The following NPFFR1 variants were observed in gnomAD, a reference collection of about 807,000 sequenced individuals.
The protein encoded by NPFFR1 is G-protein coupled receptor 147.
Under a neutral mutation model 12.7 loss-of-function variants are expected in NPFFR1, and 17 were observed. The ratio of observed to expected loss-of-function variants is 1.34; its 90% CI spans 0.92 to 2.01. NPFFR1 has a LOEUF of 2.01. Among genes scored for constraint, NPFFR1 ranks in the 30% most tolerant of loss-of-function variants. The pLI is 0.00. For missense variants in NPFFR1, 604 were observed against 606.5 expected (o/e 1.00, Z 0.04); for synonymous variants, 296 against 264.5 (o/e 1.12, Z -1.16).
At chr10:70,269,079 A>G (rs901109523) in intron 1 of NPFFR1, among the ~76,000 whole-genome samples, 21 of 151,880 alleles carry the variant, frequency 1.4e-4, no homozygotes, top group African/African-American at 4.8e-4. Flanking sequence ...TGCAGGCTGG[A>G]TTTTTCTGAT....
At chr10:70,258,699 T>C (rs1467457264) in intron 3 of NPFFR1, among the ~76,000 whole-genome samples, 1 of 152,184 alleles carries the variant, frequency 6.6e-6, no homozygotes, top group African/African-American at 2.4e-5. Flanking sequence ...TGTCATCTAC[T>C]GATGCCAGAA....
At chr10:70,268,496 G>T (rs985311442) in intron 1 of NPFFR1, among the ~76,000 whole-genome samples, 17 of 152,124 alleles carry the variant, frequency 1.1e-4, no homozygotes, top group Non-Finnish European at 2.4e-4. Context: ...CTGTGGCTTG[G>T]CAATCTGAGT....
intron 1 of NPFFR1, among the ~76,000 whole-genome samples, chr10:70,275,190 C>T (rs972010228): frequency 6.6e-6 from 1 of 152,246 alleles, no homozygotes; most frequent in African/African-American, 2.4e-5. Context: ...CTTTATACTT[C>T]TCTTCTACTC....
chr10:70,270,185 AT>A (rs1840732325), intron 1 of NPFFR1, among the ~76,000 whole-genome samples: 1 of 152,218 alleles, frequency 6.6e-6, no homozygotes, highest in East Asian at 1.9e-4. Context: ...ACAGCTAATA[AT>A]TATGGAATAA....
chr10:70,270,031 C>A (rs571335461), intron 1 of NPFFR1, among the ~76,000 whole-genome samples: 1 of 152,330 alleles, frequency 6.6e-6, no homozygotes, highest in African/African-American at 2.4e-5. Flanking sequence ...GTTCATCAAT[C>A]TGTCAATAGT....
In NPFFR1 at chr10:70,249,838, A is replaced by T. The variant is rs1840492078; in HGVS notation, c.*5119T>A. ...GATACTTTACAATAAAAGATATAAG[A>T]ATGCAGTAAGCACACAAAAAGATGC... is the stretch of plus-strand genomic sequence containing the variant. On this transcript the variant is annotated 3_prime_UTR_variant, in exon 4 of 4. Transcript: ENST00000277942. The T allele has an allele frequency of 6.6e-6, 1 of 152,042 alleles. No individual in the cohort carries two copies. 9.4% of individuals were successfully genotyped at this position (152,042 alleles called of 1,614,324 possible).
chr10:70,256,422 A>G (rs1271456447), intron 3 of NPFFR1, among the ~76,000 whole-genome samples: 2 of 152,218 alleles, frequency 1.3e-5, no homozygotes, highest in Non-Finnish European at 2.9e-5. Flanking sequence ...GCTGGCAGCT[A>G]GCAGAGCGAT....
In NPFFR1 at chr10:70,255,642, CAGG is replaced by C. The variant is rs1216422789; in HGVS notation, c.605_607del (p.Ser202del). 6.9e-6 allele frequency: 11 copies of C among 1,589,880 alleles called. No homozygotes were observed. Among genetic ancestry groups the C allele is most frequent in the African/African-American group, 2.7e-5 (2 of 74,488 alleles). On this transcript the variant is annotated inframe_deletion, in exon 4 of 4. Transcript: ENST00000277942. The surrounding 1 kb of genome is among the most constrained non-coding windows in gnomAD (Gnocchi z 4.2). ...GCCCTTCTCGGGCCAGGCCTCCCAG[CAGG>C]AGTAGAGCGGGTAGGAGCGGTTGCG...
chr10:70,266,942 C>G (rs904394551), intron 1 of NPFFR1, among the ~76,000 whole-genome samples: 3 of 152,210 alleles, frequency 2.0e-5, no homozygotes, highest in African/African-American at 7.2e-5. Flanking sequence ...TACAGTAACA[C>G]TCTTCCCTCT....
intron 1 of NPFFR1, among the ~76,000 whole-genome samples, chr10:70,272,244 G>GAAAGAAAGAAAGAAAAGAAAGA (rs60571634): frequency 1.6e-5 from 1 of 64,406 alleles, no homozygotes; most frequent in African/African-American, 6.6e-5. Context: ...AAGAAAGAAA[G>GAAAGAAAGAAAGAAAAGAAAGA]AAGAAAGAAG....
chr10:70,282,240 C>T (rs1840871594), intron 1 of NPFFR1, among the ~76,000 whole-genome samples: 1 of 152,104 alleles, frequency 6.6e-6, no homozygotes, highest in South Asian at 2.1e-4. Context: ...CTCTTTATTC[C>T]ACAATTTGAA....
chr10:70,252,714 CGAGA>C lies in NPFFR1; in HGVS notation c.*2239_*2242del, dbSNP rs1564591978. ...AAAATATGTTAATTGTAACCTTCAG[CGAGA>C]GCTGAAGGAGTTTTTTGGGCAGTTA... On this transcript the variant is annotated 3_prime_UTR_variant, in exon 4 of 4. Transcript: ENST00000277942. 1.3e-5 allele frequency: 2 copies of C among 152,156 alleles called. No homozygotes were observed. The highest frequency in any genetic ancestry group is 2.9e-5 in the Non-Finnish European group (2 of 68,030). The allele number at this position is 152,156 out of a possible 1,614,324, so 9.4% of individuals were successfully genotyped here.
intron 1 of NPFFR1, among the ~76,000 whole-genome samples, chr10:70,270,008 G>A (rs924700447): frequency 1.3e-5 from 2 of 152,094 alleles, no homozygotes; most frequent in Admixed American, 6.5e-5. Flanking sequence ...TCTTCCCATA[G>A]CATCTGGTTT....
chr10:70,283,633 T>G (rs1889394), intron 1 of NPFFR1, 37 bp downstream of exon 1: 1,526,118 of 1,529,382 alleles, frequency 1, 761,495 homozygotes, highest in East Asian at 1. Context: ...GTCGGTACCC[T>G]GCCCCACGGC....
At chr10:70,259,713 G>A (rs1158489659) in intron 3 of NPFFR1, among the ~76,000 whole-genome samples, 3 of 152,240 alleles carry the variant, frequency 2.0e-5, no homozygotes, top group Non-Finnish European at 4.4e-5. Context: ...GAACAAGGAG[G>A]AGGGGATGGG....
Position 70,266,324 on chromosome 10 carries a change from G to T in NPFFR1, c.75C>A (p.Thr25=), listed in dbSNP as rs752817702. 5 of 1,613,624 alleles carry T rather than the reference G, an allele frequency of 3.1e-6. No homozygotes were observed. Among genetic ancestry groups the T allele is most frequent in the Non-Finnish European group, 4.2e-6 (5 of 1,179,792 alleles). The part of the protein sequence containing the change: ...LSQNGTNTEA[T]PATNLTFSSY... ...AGGAGAAGGTGAGGTTTGTAGCCGG[G>T]GTGGCCTCAGTGTTAGTCCCATTCT... Residue 25 remains threonine (T), a synonymous_variant, in exon 2 of 4, where the codon ACC becomes ACA. Coordinates refer to ENST00000277942, the MANE Select transcript of NPFFR1 (RefSeq NM_022146.5).
At chr10:70,268,570 T>C (rs1840719744) in intron 1 of NPFFR1, among the ~76,000 whole-genome samples, 1 of 152,196 alleles carries the variant, frequency 6.6e-6, no homozygotes. Context: ...CTGGCTCAGC[T>C]GGGGCTGGGA....
At chr10:70,258,953 T>C (rs183629325) in intron 3 of NPFFR1, among the ~76,000 whole-genome samples, 9 of 152,310 alleles carry the variant, frequency 5.9e-5, no homozygotes, top group Admixed American at 1.3e-4. Context: ...ACTCAGGCCT[T>C]GTTATCTCAA....
Position 70,260,649 on chromosome 10 carries a change from G to A in NPFFR1, c.413C>T (p.Ala138Val), listed in dbSNP as rs755509458. ...SASVFTLVAIAVERFRCIVHP... is the reference protein window; with the variant it reads ...SASVFTLVAIVVERFRCIVHP... ...CCAGGAAACCTCTCACCTTTCCACA[G>A]CAATGGCCACCAGTGTGAAAACGGA... The change falls in exon 3 of 4, where the codon GCT (alanine) becomes GTT (valine). Residue 138 changes from alanine (A) to valine (V), a missense_variant. Transcript: ENST00000277942. 5.0e-6 allele frequency: 8 copies of A among 1,608,998 alleles called. No homozygotes were observed. The highest frequency in any genetic ancestry group is 1.6e-4 in the Middle Eastern group (1 of 6,080).
Sources: allele counts gnomAD v4.1 joint callset (sites outside exome capture counted in the v4.1 genomes callset), GRCh38; gene constraint gnomAD v4.1.1; non-coding constraint Gnocchi (gnomAD v3.1); transcripts MANE v1.5; gene names NCBI Gene and HGNC (gene_info 2026-07-23, HGNC 2026-07-21).